The following SNTG1 variants were observed in gnomAD, a reference collection of about 807,000 sequenced individuals.
SNTG1 encodes the protein syntrophin gamma 1.
SNTG1 carries 39 observed loss-of-function variants against 74.7 expected under a neutral mutation model. The observed-to-expected ratio is 0.52, with a 90% CI of 0.40 to 0.68. The LOEUF (loss-of-function observed/expected upper bound fraction) is 0.68, where lower values mean the gene tolerates loss of function less well. Ranked by LOEUF, SNTG1 falls within the 30% of genes least tolerant of loss-of-function variation. The pLI, the probability that SNTG1 is intolerant of heterozygous loss-of-function variation, is 0.00. For missense variants in SNTG1, 685 were observed against 609.5 expected, an observed-to-expected ratio of 1.12 and a Z score of -1.30; for synonymous variants, 254 against 217.1, an observed-to-expected ratio of 1.17 and a Z score of -1.49.
At chr8:50,498,554 T>A (rs1008714327) in intron 8 of SNTG1, among the ~76,000 whole-genome samples, 2 of 151,950 alleles carry the variant, frequency 1.3e-5, no homozygotes, top group Non-Finnish European at 2.9e-5. Context: ...GTGACTTTCT[T>A]AAAAGTATGT....
intron 1 of SNTG1, among the ~76,000 whole-genome samples, chr8:50,086,279 C>T (rs190021497): frequency 3.3e-5 from 5 of 152,172 alleles, no homozygotes; most frequent in Admixed American, 1.3e-4. Flanking sequence ...TGTTTTTTCT[C>T]TCTGATGGAA....
At chr8:49,947,478 T>G (rs746763715) in intron 1 of SNTG1, among the ~76,000 whole-genome samples, 2 of 152,190 alleles carry the variant, frequency 1.3e-5, no homozygotes, top group Admixed American at 6.5e-5. Flanking sequence ...CAGAGGGCTT[T>G]TACCCCATTT....
chr8:50,065,565 T>C (rs1820832835), intron 1 of SNTG1, among the ~76,000 whole-genome samples: 1 of 152,186 alleles, frequency 6.6e-6, no homozygotes, highest in Admixed American at 6.5e-5. Flanking sequence ...TTGCTTTTAT[T>C]GCATCTTATA....
At chr8:50,424,079 C>A (rs978374648) in intron 4 of SNTG1, among the ~76,000 whole-genome samples, 6 of 152,050 alleles carry the variant, frequency 3.9e-5, no homozygotes, top group African/African-American at 1.4e-4. Flanking sequence ...GCCCTAACAA[C>A]AAATAAACAT....
chr8:50,419,059 T>A (rs746684839), intron 4 of SNTG1, among the ~76,000 whole-genome samples: 2 of 151,926 alleles, frequency 1.3e-5, no homozygotes, highest in Non-Finnish European at 2.9e-5. Context: ...GAAAGACAGG[T>A]TGGCTTGGGA....
At chr8:50,085,910 A>G (rs968872634) in intron 1 of SNTG1, among the ~76,000 whole-genome samples, 5 of 152,136 alleles carry the variant, frequency 3.3e-5, no homozygotes, top group African/African-American at 9.7e-5. Flanking sequence ...GGCCTTGTCA[A>G]TGGTATCTTT....
intron 1 of SNTG1, among the ~76,000 whole-genome samples, chr8:49,940,034 C>T (rs1808541562): frequency 1.3e-5 from 2 of 152,180 alleles, no homozygotes; most frequent in South Asian, 4.1e-4. Flanking sequence ...GAGATGATTT[C>T]TTGGCTTCTG....
intron 12 of SNTG1, among the ~76,000 whole-genome samples, chr8:50,589,050 C>A (rs184435478): frequency 6.6e-6 from 1 of 152,142 alleles, no homozygotes; most frequent in Admixed American, 6.5e-5. Flanking sequence ...TACAGATATT[C>A]TAATGTAAAA....
chr8:50,072,686 T>C (rs1467608188), intron 1 of SNTG1, among the ~76,000 whole-genome samples: 12 of 152,248 alleles, frequency 7.9e-5, no homozygotes, highest in Admixed American at 7.8e-4. Flanking sequence ...TGGGAGGAAA[T>C]CTGATCATCT....
At chr8:50,007,075 A>G (rs1217155883) in intron 1 of SNTG1, among the ~76,000 whole-genome samples, 2 of 151,810 alleles carry the variant, frequency 1.3e-5, no homozygotes, top group African/African-American at 2.4e-5. Flanking sequence ...AGGGAAGGAG[A>G]GCACCACTTA....
intron 18 of SNTG1, among the ~76,000 whole-genome samples, chr8:50,763,648 T>TTTGTGTG (rs1554629240): frequency 8.5e-6 from 1 of 117,096 alleles, no homozygotes; most frequent in Non-Finnish European, 1.7e-5. Flanking sequence ...ATTGCCTTTA[T>TTTGTGTG]TGTGTGTGTG....
intron 12 of SNTG1, among the ~76,000 whole-genome samples, chr8:50,572,295 G>A (rs986892122): frequency 1.3e-5 from 2 of 150,408 alleles, no homozygotes; most frequent in Non-Finnish European, 3.0e-5. Context: ...GAGAGAGAGA[G>A]TCATTTCTGA....
intron 1 of SNTG1, among the ~76,000 whole-genome samples, chr8:49,987,129 A>C (rs1813236543): frequency 6.6e-6 from 1 of 152,220 alleles, no homozygotes; most frequent in Non-Finnish European, 1.5e-5. Flanking sequence ...AGATACTTCC[A>C]ATTAAGTTGA....
chr8:49,937,178 C>G (rs1413355566), intron 1 of SNTG1, among the ~76,000 whole-genome samples: 1 of 151,616 alleles, frequency 6.6e-6, no homozygotes. Flanking sequence ...ATAAACAAAC[C>G]CAGTTAGGCT....
intron 2 of SNTG1, among the ~76,000 whole-genome samples, chr8:50,193,061 T>C (rs1280606802): frequency 6.6e-6 from 1 of 152,134 alleles, no homozygotes; most frequent in Non-Finnish European, 1.5e-5. Context: ...GGCCTTATAG[T>C]ATAGTTTGAA....
intron 1 of SNTG1, among the ~76,000 whole-genome samples, chr8:49,982,231 T>A (rs1403969259): frequency 6.6e-6 from 1 of 152,124 alleles, no homozygotes; most frequent in East Asian, 1.9e-4. Flanking sequence ...TATGGGCACA[T>A]AAAAATTTAT....
intron 1 of SNTG1, among the ~76,000 whole-genome samples, chr8:50,157,257 T>G (rs993971029): frequency 1.3e-5 from 2 of 152,106 alleles, no homozygotes; most frequent in African/African-American, 4.8e-5. Context: ...TAAATTAATC[T>G]ATGATGATGA....
intron 15 of SNTG1, among the ~76,000 whole-genome samples, chr8:50,696,681 T>C (rs557783486): frequency 6.6e-6 from 1 of 152,240 alleles, no homozygotes; most frequent in East Asian, 1.9e-4. Context: ...GCACCATTTA[T>C]GAAATAAGAT....
At chr8:50,056,399 G>A (rs1209352688) in intron 1 of SNTG1, among the ~76,000 whole-genome samples, 1 of 152,094 alleles carries the variant, frequency 6.6e-6, no homozygotes, top group Non-Finnish European at 1.5e-5. Context: ...TCCTCCGATT[G>A]CTATGGAAAC....
Sources: gnomAD v4.1 joint callset for allele counts (sites outside exome capture counted in the v4.1 genomes callset) on GRCh38, gnomAD v4.1.1 for gene constraint, MANE v1.5 for transcripts, NCBI Gene and HGNC (gene_info 2026-07-23, HGNC 2026-07-21) for gene names.